MMS22L: variants seen among roughly 807,000 people sequenced by gnomAD.
MMS22L encodes protein MMS22-like.
Under a neutral mutation model 159.1 loss-of-function variants are expected in MMS22L, and 74 were observed. The observed-to-expected ratio is 0.47, with a 90% CI of 0.39 to 0.56. The LOEUF is 0.56. Among genes scored for constraint, MMS22L ranks in the 20% least tolerant of loss-of-function variants. The pLI is 0.00. For missense variants in MMS22L, 1,351 were observed against 1,422.1 expected (o/e 0.95, Z 0.80); for synonymous variants, 517 against 506.9 (o/e 1.02, Z -0.27).
Position 97,228,986 on chromosome 6 carries a change from A to G in MMS22L, c.1947T>C (p.Leu649=), listed in dbSNP as rs1810553892. 5 of 1,614,128 alleles carry G rather than the reference A, an allele frequency of 3.1e-6. No individual in the cohort carries two copies. The South Asian group carries it at 5.5e-5, about 18-fold the overall frequency. The change falls in exon 14 of 25, where the codon CTT becomes CTC. Residue 649 remains leucine, a synonymous_variant. Transcript: ENST00000683635. The stretch of plus-strand genomic sequence containing the variant: ...GCAGAAGCATACTAAATCCATCATT[A>G]AGCAGTTTTTCATGGGAAGGATACA... ...YCLYPSHEKL[L]NDGFSMLLRA...
chr6:97,203,052 A>G (rs1807351474), intron 14 of MMS22L, among the ~76,000 whole-genome samples: 1 of 152,230 alleles, frequency 6.6e-6, no homozygotes, highest in African/African-American at 2.4e-5. Flanking sequence ...TTAGAAACAC[A>G]TCACCCATAT....
chr6:97,174,643 G>A (rs1803946134), intron 18 of MMS22L, among the ~76,000 whole-genome samples: 1 of 152,138 alleles, frequency 6.6e-6, no homozygotes, highest in Non-Finnish European at 1.5e-5. Context: ...CTCATGAGCT[G>A]GAAGGACAGA....
chr6:97,222,979 T>C (rs1809812715), intron 14 of MMS22L, among the ~76,000 whole-genome samples: 1 of 152,140 alleles, frequency 6.6e-6, no homozygotes, highest in South Asian at 2.1e-4. Context: ...TGTGAAATGT[T>C]AAAGATGACT....
Position 97,229,328 on chromosome 6 carries a change from A to G in MMS22L, c.1605T>C (p.Phe535=), listed in dbSNP as rs749254110. 1.9e-6 allele frequency: 3 copies of G among 1,612,188 alleles called. No homozygotes were observed. The African/African-American group carries it at 4.0e-5, about 22-fold the overall frequency. Residue 535 remains phenylalanine, a synonymous_variant, in exon 14 of 25, where the codon TTT becomes TTC. Coordinates refer to ENST00000683635, the MANE Select transcript of MMS22L (RefSeq NM_001350599.2). ...EVGLQNFFSL[F]LLLAAVAEVE... ...CCTCTGCAACAGCTGCTAACAGTAG[A>G]AAAAGGCTAAAAAAGTTCTGTAGAC...
Position 97,246,221 on chromosome 6 carries a change from A to G in MMS22L, c.1182+407T>C, listed in dbSNP as rs4577806. On this transcript the variant is annotated intron_variant, in intron 11 of 24. Transcript: ENST00000683635. ...AGAAACTAGGACCTTATCAGTTAGAATATGATTCAAGCCTGTAAGACAAAT... is the reference window on the plus strand; with the variant it reads ...AGAAACTAGGACCTTATCAGTTAGAGTATGATTCAAGCCTGTAAGACAAAT... The G allele has an allele frequency of 9.1e-4, 400 of 440,420 alleles. 1 individual carries two copies. The highest frequency in any genetic ancestry group is 1.5e-3 in the Non-Finnish European group (325 of 223,354). 27.3% of individuals were successfully genotyped at this position (440,420 alleles called of 1,614,324 possible).
At chr6:97,173,596 A>G (rs1051409890) in intron 18 of MMS22L, among the ~76,000 whole-genome samples, 2 of 152,186 alleles carry the variant, frequency 1.3e-5, no homozygotes, top group Non-Finnish European at 2.9e-5. Flanking sequence ...GATTACTAGG[A>G]ATTCAAAATC....
intron 11 of MMS22L, among the ~76,000 whole-genome samples, chr6:97,236,554 G>A (rs1811432737): frequency 6.6e-6 from 1 of 151,988 alleles, no homozygotes; most frequent in African/African-American, 2.4e-5. Context: ...ACAAGTTAAG[G>A]GCTATGGAAT....
intron 14 of MMS22L, among the ~76,000 whole-genome samples, chr6:97,191,313 T>C (rs925996668): frequency 6.6e-6 from 1 of 152,220 alleles, no homozygotes; most frequent in Non-Finnish European, 1.5e-5. Context: ...CCACTGCTTA[T>C]AGTTTTCGCC....
At chr6:97,220,062 G>A (rs948599991) in intron 14 of MMS22L, among the ~76,000 whole-genome samples, 8 of 152,216 alleles carry the variant, frequency 5.3e-5, no homozygotes, top group Non-Finnish European at 8.8e-5. Flanking sequence ...ACTCTCACAT[G>A]ACATGCTTAT....
At chr6:97,157,679 G>A (rs942689533) in intron 22 of MMS22L, among the ~76,000 whole-genome samples, 2 of 152,144 alleles carry the variant, frequency 1.3e-5, no homozygotes, top group South Asian at 4.1e-4. Context: ...CGACTTGATC[G>A]TGGTGGATAA....
chr6:97,273,229 T>TA, intron 4 of MMS22L, 167 bp from the exon 5 acceptor site: 1 of 609,104 alleles, frequency 1.6e-6, no homozygotes, highest in East Asian at 2.8e-5. Flanking sequence ...ATGCTCTTAT[T>TA]AAAGTCACCA....
intron 14 of MMS22L, among the ~76,000 whole-genome samples, chr6:97,208,139 C>G (rs536831436): frequency 1.3e-5 from 2 of 152,202 alleles, no homozygotes; most frequent in South Asian, 4.1e-4. Context: ...CAGATCATTC[C>G]TTTCCTTTAT....
chr6:97,199,459 T>C (rs1806903394), intron 14 of MMS22L, among the ~76,000 whole-genome samples: 1 of 152,150 alleles, frequency 6.6e-6, no homozygotes, highest in Non-Finnish European at 1.5e-5. Flanking sequence ...CCCACCTCCA[T>C]TTAAATCAAA....
chr6:97,278,237 T>C (rs188344145), intron 4 of MMS22L, among the ~76,000 whole-genome samples: 244 of 152,106 alleles, frequency 1.6e-3, no homozygotes, highest in African/African-American at 5.5e-3. Flanking sequence ...ATCCCATCTC[T>C]ACTAAAAATA....
At position 97,182,037 on chromosome 6, in the gene MMS22L, T is replaced by C. The variant is rs138515093; in HGVS notation, c.2251A>G (p.Met751Val). The change falls in exon 16 of 25, where the codon ATG (methionine) becomes GTG (valine). Residue 751 changes from methionine (M) to valine (V), a missense_variant. Met to Val is a conservative substitution (Grantham distance 21). Transcript: ENST00000683635. ...DAAADFTLLAMDMPSTAPSDF... is the reference protein window; with the variant it reads ...DAAADFTLLAVDMPSTAPSDF... ...GATGGAGCTGTGCTTGGCATGTCCA[T>C]TGCTAGCAAAGTAAAGTCTAGATTC... The C allele has an allele frequency of 1.0e-3, 1,629 of 1,610,758 alleles. 12 individuals are homozygous for C. Among genetic ancestry groups the C allele is most frequent in the East Asian group, 1.5e-3 (67 of 44,816 alleles).
Position 97,280,680 on chromosome 6 carries a change from G to A in MMS22L, c.290+557C>T, listed in dbSNP as rs527834348. On this transcript the variant is annotated intron_variant, in intron 3 of 24. Transcript: ENST00000683635. ...ATACTGAAGTATTTATGGGTGAAAC[G>A]ACATGATGCCTAGGATTTCCTTACA... is the stretch of plus-strand genomic sequence containing the variant. Among the ~76,000 whole-genome samples the A allele has an allele frequency of 9.2e-5, 14 of 152,192 alleles. No individual in the cohort carries two copies. The East Asian group carries it at 1.7e-3, about 19-fold the overall frequency.
chr6:97,148,202 C>T (rs563188771), intron 24 of MMS22L, among the ~76,000 whole-genome samples: 1 of 152,234 alleles, frequency 6.6e-6, no homozygotes, highest in South Asian at 2.1e-4. Context: ...ACCTATTGTA[C>T]TGTCAGTCAT....
chr6:97,149,874 A>C lies in MMS22L; in HGVS notation c.3629T>G (p.Leu1210Arg), dbSNP rs750589204. 2.5e-6 allele frequency: 4 copies of C among 1,611,900 alleles called. No homozygotes were observed. The highest frequency in any genetic ancestry group is 3.4e-6 in the Non-Finnish European group (4 of 1,178,892). The change falls in exon 24 of 25, where the codon CTT becomes CGT. Residue 1210 changes from leucine to arginine, a missense_variant. By Grantham distance (102) the Leu-to-Arg change is moderately radical. Transcript: ENST00000683635. ...SLKDSEQKWGLGRNIAQREAY... is the reference protein window; with the variant it reads ...SLKDSEQKWGRGRNIAQREAY... ...ATACCTTTGTGCTATATTCCTGCCAAGGCCCCATTTCTGCTCTGAATCCTT... is the reference window on the plus strand; with the variant it reads ...ATACCTTTGTGCTATATTCCTGCCACGGCCCCATTTCTGCTCTGAATCCTT...
At chr6:97,168,618 G>T (rs1390610080) in intron 19 of MMS22L, among the ~76,000 whole-genome samples, 2 of 151,884 alleles carry the variant, frequency 1.3e-5, no homozygotes, top group Non-Finnish European at 2.9e-5. Flanking sequence ...GTTGGATTAG[G>T]GGTGCTCAAC....
Sources: gnomAD v4.1 joint callset for allele counts (sites outside exome capture counted in the v4.1 genomes callset) on GRCh38, gnomAD v4.1.1 for gene constraint, MANE v1.5 for transcripts, NCBI Gene and HGNC (gene_info 2026-07-23, HGNC 2026-07-21) for gene names.